Variants in NGF observed in about 807,000 individuals in gnomAD.
NGF encodes nerve growth factor, also known as beta-nerve growth factor.
A neutral mutation model predicts 12.8 loss-of-function variants in NGF; 4 were observed. That is an observed-to-expected ratio of 0.31 (90% CI 0.15 to 0.72). NGF has a LOEUF of 0.72. NGF is among the 30% of genes least tolerant of loss of function. The pLI, the probability that NGF is intolerant of heterozygous loss-of-function variation, is 0.69. For missense variants in NGF, 283 were observed against 330.8 expected (o/e 0.86, Z 1.12); for synonymous variants, 140 against 130.0 (o/e 1.08, Z -0.52).
chr1:115,305,699 G>C (rs547933118), intron 1 of NGF, among the ~76,000 whole-genome samples: 1 of 152,146 alleles, frequency 6.6e-6, no homozygotes, highest in Non-Finnish European at 1.5e-5. Flanking sequence ...AAGAGATTTT[G>C]GAAGGACCCA....
intron 1 of NGF, among the ~76,000 whole-genome samples, chr1:115,336,576 A>G (rs920711288): frequency 6.6e-6 from 1 of 152,216 alleles, no homozygotes; most frequent in Non-Finnish European, 1.5e-5. Flanking sequence ...AGGTTGACGT[A>G]TGACTTATTC....
Position 115,310,715 on chromosome 1 carries a change from AC to A in NGF, c.-136-16966del, listed in dbSNP as rs546141625. Among the ~76,000 whole-genome samples the A allele has an allele frequency of 3.3e-5, 5 of 152,068 alleles. No homozygotes were observed. The South Asian group carries it at 1.0e-3, about 32-fold the overall frequency. ...TCAGATTCTCCTTTATTTATTGTTGACTCAGGCTGTTCTGTTCTCCAAAGCT... is the reference window on the plus strand; with the variant it reads ...TCAGATTCTCCTTTATTTATTGTTGATCAGGCTGTTCTGTTCTCCAAAGCT... On this transcript the variant is annotated intron_variant, in intron 1 of 2. Transcript: ENST00000369512.
At chr1:115,305,155 AACT>A (rs1654165541) in intron 1 of NGF, among the ~76,000 whole-genome samples, 1 of 152,204 alleles carries the variant, frequency 6.6e-6, no homozygotes, top group Admixed American at 6.5e-5. Flanking sequence ...AAAAGAATAC[AACT>A]ACTACCACTA....
intron 1 of NGF, among the ~76,000 whole-genome samples, chr1:115,337,221 G>GAAACA (rs1655132839): frequency 7.4e-6 from 1 of 135,710 alleles, no homozygotes; most frequent in South Asian, 2.4e-4. Context: ...GTTCAAGCAC[G>GAAACA]AAACACCTTC....
Position 115,286,651 on chromosome 1 carries a change from G to T in NGF, c.145C>A (p.Arg49Ser), listed in dbSNP as rs146716262. ...KLQHSLDTAL[R>S]RARSAPAAAI... is the part of the protein sequence containing the mutation. ...GCTGCCGGGGCGCTGCGGGCTCTGCGAAGGGCAGTGTCAAGGGAATGCTGA... is the reference window on the plus strand; with the variant it reads ...GCTGCCGGGGCGCTGCGGGCTCTGCTAAGGGCAGTGTCAAGGGAATGCTGA... Residue 49 changes from arginine to serine, a missense_variant, in exon 3 of 3, where the codon CGC becomes AGC. Transcript: ENST00000369512. 27 of 1,614,236 alleles carry T rather than the reference G, an allele frequency of 1.7e-5. No individual in the cohort carries two copies. Among genetic ancestry groups the T allele is most frequent in the Non-Finnish European group, 1.9e-5 (22 of 1,180,044 alleles).
At chr1:115,310,859 G>A (rs1431250019) in intron 1 of NGF, among the ~76,000 whole-genome samples, 1 of 151,520 alleles carries the variant, frequency 6.6e-6, no homozygotes, top group Non-Finnish European at 1.5e-5. Context: ...GGGGCAAGGG[G>A]TGTGGGGTGT....
chr1:115,286,690 G>C lies in NGF; in HGVS notation c.106C>G (p.His36Asp). 1 of 1,614,222 alleles carries C rather than the reference G, an allele frequency of 6.2e-7. No homozygotes were observed. Among genetic ancestry groups the C allele is most frequent in the Non-Finnish European group, 8.5e-7 (1 of 1,180,048 alleles). Reference sequence around the variant, plus strand: ...AGGGAATGCTGAAGTTTAGTCCAGTGGGCTTGGGGGATGGTGTGTCCTGCA... The same window carrying C: ...AGGGAATGCTGAAGTTTAGTCCAGTCGGCTTGGGGGATGGTGTGTCCTGCA... ...VPAGHTIPQA[H>D]WTKLQHSLDT... The change falls in exon 3 of 3, where the codon CAC (histidine) becomes GAC (aspartate). Residue 36 changes from histidine (H) to aspartate (D), a missense_variant. Around this residue, in one of 2 missense-constraint regions of NGF, gnomAD observed 151 missense variants for 141.6 expected, o/e 1.07. Coordinates refer to ENST00000369512, the MANE Select transcript of NGF (RefSeq NM_002506.3).
chr1:115,312,437 A>ATATTGTTCTGCT lies in NGF; in HGVS notation c.-136-18688_-136-18687insAGCAGAACAATA, dbSNP rs1352979471. Among the ~76,000 whole-genome samples, 19 of 152,322 alleles carry ATATTGTTCTGCT rather than the reference A, an allele frequency of 1.2e-4. No homozygotes were observed. In the South Asian group the frequency reaches 3.9e-3, roughly 32 times the overall value. On this transcript the variant is annotated intron_variant, in intron 1 of 2. Transcript: ENST00000369512. ...TGAGCTTTGTTTTTAAGTAATAAAC[A>ATATTGTTCTGCT]ATATAGCAGAAGTGACACGACAAAG...
chr1:115,330,669 G>C (rs962387235), intron 1 of NGF, among the ~76,000 whole-genome samples: 3 of 152,212 alleles, frequency 2.0e-5, no homozygotes, highest in Admixed American at 6.5e-5. Flanking sequence ...GTCATGGAAA[G>C]TGAAGTCTGA....
At chr1:115,298,346 T>C (rs1304641752) in intron 1 of NGF, among the ~76,000 whole-genome samples, 1 of 152,216 alleles carries the variant, frequency 6.6e-6, no homozygotes, top group Non-Finnish European at 1.5e-5. Flanking sequence ...GCAAACCTCA[T>C]GGTTGCATTC....
intron 2 of NGF, among the ~76,000 whole-genome samples, chr1:115,292,601 G>T (rs1370633529): frequency 2.0e-5 from 3 of 152,174 alleles, no homozygotes; most frequent in Admixed American, 6.5e-5. Context: ...GCCAGTGAGT[G>T]GCAGGGCCAG....
chr1:115,316,958 A>G (rs1057206574), intron 1 of NGF, among the ~76,000 whole-genome samples: 2 of 152,138 alleles, frequency 1.3e-5, no homozygotes, highest in Non-Finnish European at 2.9e-5. Flanking sequence ...GAGATAATGA[A>G]TATTAATATT....
At chr1:115,310,072 C>T (rs1410304997) in intron 1 of NGF, among the ~76,000 whole-genome samples, 1 of 152,132 alleles carries the variant, frequency 6.6e-6, no homozygotes, top group African/African-American at 2.4e-5. Flanking sequence ...AATTTCTATG[C>T]AGTCATTAAA....
rs1654624748 is a variant in NGF, at chr1:115,321,534, TGCCTCAGAAA to T, written c.-137+16660_-137+16669del. ...ACTGCAGTTCTTTAATGTTTGCCGT[TGCCTCAGAAA>T]TGGCTCCACTTTTGCATGATGTGTG... is the stretch of plus-strand genomic sequence containing the variant. On this transcript the variant is annotated intron_variant, in intron 1 of 2. Transcript: ENST00000369512. 1.3e-5 allele frequency among the ~76,000 whole-genome samples: 2 copies of T among 151,840 alleles called. 1 individual carries two copies. The highest frequency in any genetic ancestry group is 1.3e-4 in the Admixed American group (2 of 15,226).
chr1:115,328,979 G>A (rs986218487), intron 1 of NGF, among the ~76,000 whole-genome samples: 1 of 152,070 alleles, frequency 6.6e-6, no homozygotes, highest in Admixed American at 6.6e-5. Flanking sequence ...CAAACCTTAG[G>A]GATAAAAACA....
chr1:115,293,501 C>T (rs1653770066), intron 2 of NGF, 126 bp downstream of exon 2: 1 of 152,548 alleles, frequency 6.6e-6, no homozygotes. Context: ...CTGAAAGCTT[C>T]TCTAGGCCCC....
chr1:115,332,532 T>A (rs1274605802), intron 1 of NGF, among the ~76,000 whole-genome samples: 1 of 152,038 alleles, frequency 6.6e-6, no homozygotes, highest in East Asian at 1.9e-4. Flanking sequence ...AAAACAACTA[T>A]GAAGTGGGGG....
chr1:115,298,043 C>G (rs959069009), intron 1 of NGF, among the ~76,000 whole-genome samples: 2 of 152,174 alleles, frequency 1.3e-5, no homozygotes, highest in African/African-American at 4.8e-5. Context: ...TCTCAGAAAA[C>G]ATAAAGTTCA....
chr1:115,290,400 T>TA (rs1653654835), intron 2 of NGF, among the ~76,000 whole-genome samples: 1 of 132,092 alleles, frequency 7.6e-6, no homozygotes, highest in Non-Finnish European at 1.6e-5. Flanking sequence ...TTTTTTTTTT[T>TA]TTTTTTTTTT....
Sources: gnomAD v4.1 joint callset for allele counts (sites outside exome capture counted in the v4.1 genomes callset) on GRCh38, gnomAD v4.1.1 for gene constraint, gnomAD v4.1.1 regional missense constraint, MANE v1.5 for transcripts, NCBI Gene and HGNC (gene_info 2026-07-23, HGNC 2026-07-21) for gene names.